Variants in DGLUCY observed in about 807,000 individuals in gnomAD.
DGLUCY encodes the protein D-glutamate cyclase, mitochondrial.
DGLUCY carries 58 observed loss-of-function variants against 58.5 expected under a neutral mutation model. The observed-to-expected ratio is 0.99, with a 90% confidence interval of 0.80 to 1.23. DGLUCY has a LOEUF of 1.23. DGLUCY is among the 50% of genes most tolerant of loss of function. The pLI, the probability that DGLUCY is intolerant of heterozygous loss-of-function variation, is 0.00. For missense variants in DGLUCY, 779 were observed against 784.7 expected, an observed-to-expected ratio of 0.99 and a Z score of 0.09; for synonymous variants, 325 against 314.1, an observed-to-expected ratio of 1.03 and a Z score of -0.37.
At chr14:91,081,885 T>C (rs915161389) in intron 1 of DGLUCY, among the ~76,000 whole-genome samples, 3 of 152,024 alleles carry the variant, frequency 2.0e-5, no homozygotes, top group African/African-American at 7.2e-5. Context: ...GGATCACAGG[T>C]GCGTGCCACC....
intron 11 of DGLUCY, among the ~76,000 whole-genome samples, chr14:91,202,530 G>A (rs777945261): frequency 2.6e-5 from 4 of 152,296 alleles, no homozygotes; most frequent in Admixed American, 1.3e-4. Flanking sequence ...GGCTGTGGGT[G>A]TGGTGCACAC....
intron 1 of DGLUCY, among the ~76,000 whole-genome samples, chr14:91,149,224 G>A (rs1422452284): frequency 6.6e-6 from 1 of 150,706 alleles, no homozygotes; most frequent in Non-Finnish European, 1.5e-5. Context: ...CCCAGCCTGG[G>A]CAACAAGAGC....
At chr14:91,127,199 G>A (rs1440669917) in intron 1 of DGLUCY, among the ~76,000 whole-genome samples, 1 of 151,892 alleles carries the variant, frequency 6.6e-6, no homozygotes. Context: ...TAGAACCACA[G>A]GCATGTGCCA....
At chr14:91,097,816 G>A (rs1425286706) in intron 1 of DGLUCY, among the ~76,000 whole-genome samples, 1 of 152,128 alleles carries the variant, frequency 6.6e-6, no homozygotes, top group Non-Finnish European at 1.5e-5. Flanking sequence ...TGGGATTACA[G>A]GCGTGTGCCA....
chr14:91,158,993 C>A (rs1207627324), intron 2 of DGLUCY: 2 of 116,984 alleles, frequency 1.7e-5, no homozygotes, highest in African/African-American at 6.3e-5. Flanking sequence ...CCATGCCTGG[C>A]TTTTTTTTTT....
intron 7 of DGLUCY, 52 bp downstream of exon 7, chr14:91,176,108 G>T: frequency 6.3e-7 from 1 of 1,591,416 alleles, no homozygotes. Flanking sequence ...GGAGCCCAGT[G>T]GGGTCTAGTT....
At position 91,215,454 on chromosome 14, in the gene DGLUCY, G is replaced by A. The variant is rs757145803; in HGVS notation, c.1614G>A (p.Leu538=). 30 of 1,614,076 alleles carry A rather than the reference G, an allele frequency of 1.9e-5. No homozygotes were observed. The highest frequency in any genetic ancestry group is 3.3e-5 in the Admixed American group (2 of 60,010). ...CCCTGGCCTGCGCACTCTACATCCT[G>A]TACTCATGTGCTGTCCACAGTCAGT... is the stretch of plus-strand genomic sequence containing the variant. ...GYALACALYI[L]YSCAVHSQYL... is the part of the protein sequence containing the mutation. Residue 538 remains leucine, a synonymous_variant, in exon 13 of 14, where the codon CTG becomes CTA. Coordinates refer to ENST00000256324, the MANE Select transcript of DGLUCY (RefSeq NM_001102368.3).
intron 1 of DGLUCY, among the ~76,000 whole-genome samples, chr14:91,071,041 T>C (rs1000001054): frequency 6.6e-6 from 1 of 152,042 alleles, no homozygotes; most frequent in African/African-American, 2.4e-5. Flanking sequence ...CCTTAAGAAG[T>C]CTAAAGGCTG....
At chr14:91,169,407 C>CTT (rs869086228) in intron 4 of DGLUCY, among the ~76,000 whole-genome samples, 3 of 140,584 alleles carry the variant, frequency 2.1e-5, no homozygotes, top group African/African-American at 2.6e-5. Flanking sequence ...TCTTCTTCTT[C>CTT]TTTTTTTTTT....
At chr14:91,207,335 G>T (rs1884917204) in intron 12 of DGLUCY, among the ~76,000 whole-genome samples, 1 of 151,834 alleles carries the variant, frequency 6.6e-6, no homozygotes, top group Non-Finnish European at 1.5e-5. Context: ...GAGAAAAAGT[G>T]CTGGGGGAAA....
chr14:91,204,189 A>G (rs187589149), intron 11 of DGLUCY, among the ~76,000 whole-genome samples: 31 of 152,378 alleles, frequency 2.0e-4, no homozygotes, highest in Admixed American at 1.4e-3. Context: ...TCAAATGCTT[A>G]CTAACCACAC....
upstream of DGLUCY, among the ~76,000 whole-genome samples, chr14:91,113,744 A>G (rs866132158): frequency 1.2e-4 from 18 of 152,192 alleles, no homozygotes; most frequent in African/African-American, 3.9e-4. Flanking sequence ...AGGATCCCCT[A>G]GTGATCCCAG....
At chr14:91,217,387 T>A (rs1886706238) in intron 13 of DGLUCY, among the ~76,000 whole-genome samples, 1 of 151,774 alleles carries the variant, frequency 6.6e-6, no homozygotes, top group South Asian at 2.1e-4. Flanking sequence ...AGCCCGAGAT[T>A]GGGTGGGTGG....
intron 1 of DGLUCY, among the ~76,000 whole-genome samples, chr14:91,109,063 C>T (rs138476874): frequency 1.4e-3 from 210 of 152,278 alleles, no homozygotes; most frequent in African/African-American, 4.5e-3. Context: ...CCCCAGAATT[C>T]ATCATTTCCC....
In DGLUCY at chr14:91,181,175, G is replaced by A. The variant is rs748602181; in HGVS notation, c.731-11G>A. On this transcript the variant is annotated splice_polypyrimidine_tract_variant and intron_variant, in intron 7 of 13. Coordinates refer to ENST00000256324, the MANE Select transcript of DGLUCY (RefSeq NM_001102368.3). ...GTGGCTGGGCTCAGACCCTCCTGCT[G>A]TGTGTTTTAGAGACCCCACTGGCTT... 8 of 1,613,542 alleles carry A rather than the reference G, an allele frequency of 5.0e-6. No individual in the cohort carries two copies. Among genetic ancestry groups the A allele is most frequent in the Admixed American group, 1.7e-5 (1 of 59,994 alleles).
intron 8 of DGLUCY, among the ~76,000 whole-genome samples, chr14:91,188,616 G>A (rs570411668): frequency 3.9e-5 from 6 of 152,230 alleles, no homozygotes; most frequent in African/African-American, 7.2e-5. Flanking sequence ...GCTTGAGCCC[G>A]GGAGTTTGAG....
At chr14:91,099,410 G>A (rs2044447592) in intron 1 of DGLUCY, among the ~76,000 whole-genome samples, 1 of 151,968 alleles carries the variant, frequency 6.6e-6, no homozygotes, top group Non-Finnish European at 1.5e-5. Flanking sequence ...GCATAAACAT[G>A]TAGTCCCAGC....
At chr14:91,214,319 C>A (rs1049108893) in intron 12 of DGLUCY, among the ~76,000 whole-genome samples, 1 of 151,490 alleles carries the variant, frequency 6.6e-6, no homozygotes, top group African/African-American at 2.4e-5. Context: ...TTCATCAATT[C>A]TTCTTCAACT....
intron 1 of DGLUCY, among the ~76,000 whole-genome samples, chr14:91,077,723 G>T (rs879485114): frequency 3.4e-4 from 51 of 149,218 alleles, no homozygotes; most frequent in Non-Finnish European, 5.5e-4. Context: ...CTGCTCTCCA[G>T]CCTGGTGACA....
Sources: allele counts gnomAD v4.1 joint callset (sites outside exome capture counted in the v4.1 genomes callset), GRCh38; gene constraint gnomAD v4.1.1; transcripts MANE v1.5; gene names NCBI Gene and HGNC (gene_info 2026-07-23, HGNC 2026-07-21).